PMPCB: variants seen among roughly 807,000 people sequenced by gnomAD.
PMPCB encodes mitochondrial-processing peptidase subunit beta.
In PMPCB, 46 loss-of-function variants were observed where a neutral mutation model predicts 61.5. The ratio of observed to expected loss-of-function variants is 0.75; its 90% CI spans 0.59 to 0.96. PMPCB has a LOEUF of 0.96. PMPCB is among the 40% of genes least tolerant of loss of function. PMPCB has a pLI of 0.00. For missense variants in PMPCB, 590 were observed against 602.4 expected (o/e 0.98, Z 0.22); for synonymous variants, 191 against 201.6 (o/e 0.95, Z 0.44).
chr7:103,326,539 T>C (rs1314269847), intron 12 of PMPCB: 1 of 1,613,902 alleles, frequency 6.2e-7, no homozygotes, highest in Admixed American at 1.7e-5. Flanking sequence ...ATGCCTTAAC[T>C]TACCTGGAAT....
chr7:103,312,960 A>G lies in PMPCB; in HGVS notation c.*689A>G, dbSNP rs1817839954. Reference sequence around the variant, plus strand: ...TAAGTCTGCAACCTTGTATCGTTTCATGCAGTCCTTCTTTGTCCTGCCAGG... The same window carrying G: ...TAAGTCTGCAACCTTGTATCGTTTCGTGCAGTCCTTCTTTGTCCTGCCAGG... On this transcript the variant is annotated 3_prime_UTR_variant, in exon 13 of 13. Transcript: ENST00000249269. 1 of 1,613,090 alleles carries G rather than the reference A, an allele frequency of 6.2e-7. No homozygotes were observed. The highest frequency in any genetic ancestry group is 8.5e-7 in the Non-Finnish European group (1 of 1,179,762).
At chr7:103,315,898 TAAC>T (rs1397145897), downstream of PMPCB, 2 of 1,562,124 alleles carry the variant, frequency 1.3e-6, no homozygotes, top group African/African-American at 2.7e-5. Context: ...ATTTAATACT[TAAC>T]AGATCATCAT....
In PMPCB at chr7:103,303,902, G is replaced by GT; in HGVS notation, c.519dup (p.Glu174Ter). 2 of 1,613,874 alleles carry GT rather than the reference G, an allele frequency of 1.2e-6. No homozygotes were observed. ...ACATTGGGAGAAGCAGAGATTGAAC[G>GT]TGAGCGTGGAGTAATCCTTAGAGAG... On this transcript the variant is annotated frameshift_variant, in exon 5 of 13. Coordinates refer to ENST00000249269, the MANE Select transcript of PMPCB (RefSeq NM_004279.3). LOFTEE classifies it high-confidence loss of function.
rs763260583 is a variant in PMPCB at position 103,312,322 on chromosome 7, A to G, written c.*51A>G. 2.5e-6 allele frequency: 4 copies of G among 1,598,378 alleles called. No homozygotes were observed. The South Asian group carries it at 4.4e-5, about 18-fold the overall frequency. On this transcript the variant is annotated 3_prime_UTR_variant, in exon 13 of 13. Coordinates refer to ENST00000249269, the MANE Select transcript of PMPCB (RefSeq NM_004279.3). ...ACACATGTATTTATAAAACAGAGCT[A>G]GAGAAAAATAAAAATGAACATGTAT...
the PMPCB span, chr7:103,341,918 C>T: frequency 6.2e-7 from 1 of 1,609,794 alleles, no homozygotes; most frequent in Non-Finnish European, 8.5e-7. Flanking sequence ...AGCTTCAAAC[C>T]ATCTTCCCAC....
intron 12 of PMPCB, chr7:103,322,747 G>A: frequency 6.2e-7 from 1 of 1,608,814 alleles, no homozygotes; most frequent in Non-Finnish European, 8.5e-7. Context: ...TTTTCTTTGT[G>A]CTCTTGTTGC....
At chr7:103,326,689 G>GA in intron 12 of PMPCB, 1 of 1,593,722 alleles carries the variant, frequency 6.3e-7, no homozygotes, top group Non-Finnish European at 8.5e-7. Context: ...CATAAGCTGA[G>GA]AAAAAAATTG....
At chr7:103,311,983 G>A (rs1220762195) in intron 11 of PMPCB, 73 bp from the exon 12 acceptor site, 1 of 1,544,898 alleles carries the variant, frequency 6.5e-7, no homozygotes, top group Non-Finnish European at 8.8e-7. Flanking sequence ...TCTTGCTTTA[G>A]TTTTAAAAAG....
downstream of PMPCB, among the ~76,000 whole-genome samples, chr7:103,330,295 T>G: frequency 6.6e-6 from 1 of 152,112 alleles, no homozygotes; most frequent in Admixed American, 6.6e-5. Context: ...TTATTTTATT[T>G]TTTTTTTTGA....
At chr7:103,320,707 G>A (rs140178964) in intron 12 of PMPCB, 2,633 of 151,028 alleles carry the variant, frequency 0.017, 37 homozygotes, top group Non-Finnish European at 0.023. Context: ...TTGCGCCACT[G>A]TACTCCAGCC....
intron 12 of PMPCB, among the ~76,000 whole-genome samples, chr7:103,326,091 G>A (rs1043423981): frequency 2.6e-5 from 4 of 151,924 alleles, no homozygotes; most frequent in East Asian, 1.9e-4. Flanking sequence ...CAAAACTCCC[G>A]TCTCCGCCTC....
intron 4 of PMPCB, among the ~76,000 whole-genome samples, chr7:103,302,903 G>T (rs1273308672): frequency 6.6e-6 from 1 of 152,056 alleles, no homozygotes; most frequent in African/African-American, 2.4e-5. Flanking sequence ...ACTTAAGATT[G>T]TAAGTTTATT....
In PMPCB at chr7:103,307,582, T is replaced by G. The variant is rs762588693; in HGVS notation, c.737-14T>G. On this transcript the variant is annotated splice_polypyrimidine_tract_variant and intron_variant, in intron 6 of 12. Transcript: ENST00000249269. Reference sequence around the variant, plus strand: ...GCTGCTAGATACATGTGAAAATATTTTCTTTCAATTTAGGTGTTTCCCATG... The same window carrying G: ...GCTGCTAGATACATGTGAAAATATTGTCTTTCAATTTAGGTGTTTCCCATG... 6.7e-7 allele frequency: 1 copy of G among 1,482,692 alleles called. No individual in the cohort carries two copies. Among genetic ancestry groups the G allele is most frequent in the Non-Finnish European group, 9.4e-7 (1 of 1,060,240 alleles). The allele number at this position is 1,482,692 out of a possible 1,614,324, so 91.8% of individuals were successfully genotyped here.
At chr7:103,311,952 G>A in intron 11 of PMPCB, 56 bp downstream of exon 11, 1 of 1,522,308 alleles carries the variant, frequency 6.6e-7, no homozygotes, top group South Asian at 1.2e-5. Flanking sequence ...TGTTACAAAA[G>A]CTGAGAATAT....
In PMPCB at chr7:103,312,134, A is replaced by T; in HGVS notation, c.1405+3A>T. ...GAGTCCAGCTATTGCTGCTGTTGGT[A>T]AGCCTGGCTTCTTTTCTTCTATGCA... is the stretch of plus-strand genomic sequence containing the variant. On this transcript the variant is annotated splice_donor_region_variant and intron_variant, in intron 12 of 12. Transcript: ENST00000249269. 1 of 1,614,066 alleles carries T rather than the reference A, an allele frequency of 6.2e-7. No homozygotes were observed. Among genetic ancestry groups the T allele is most frequent in the Non-Finnish European group, 8.5e-7 (1 of 1,179,966 alleles).
Position 103,303,867 on chromosome 7 carries a change from A to G in PMPCB, c.483A>G (p.Ile161Met). The change falls in exon 5 of 13, where the codon ATA (isoleucine) becomes ATG (methionine). Residue 161 changes from isoleucine to methionine, a missense_variant. Physicochemically the swap from Ile to Met is conservative, Grantham distance 10. Coordinates refer to ENST00000249269, the MANE Select transcript of PMPCB (RefSeq NM_004279.3). ...CTGTAGAAATTCTTGCTGATATAAT[A>G]CAAAACAGCACATTGGGAGAAGCAG... The part of the protein sequence containing the change: ...PRAVEILADI[I>M]QNSTLGEAEI... 6.2e-7 allele frequency: 1 copy of G among 1,612,624 alleles called. No homozygotes were observed. Among genetic ancestry groups the G allele is most frequent in the Non-Finnish European group, 8.5e-7 (1 of 1,178,978 alleles).
At position 103,309,076 on chromosome 7, in the gene PMPCB, G is replaced by C. The variant is rs760931825; in HGVS notation, c.974G>C (p.Arg325Pro). The C allele has an allele frequency of 1.2e-6, 2 of 1,603,492 alleles. No individual in the cohort carries two copies. The highest frequency in any genetic ancestry group is 1.3e-5 in the African/African-American group (1 of 74,316). ...VANTLIGNWD[R>P]SFGGGMNLSS... Reference sequence around the variant, plus strand: ...AACACGCTGATTGGCAACTGGGATCGCTCTTTTGGGGGAGGAATGGTAAGT... The same window carrying C: ...AACACGCTGATTGGCAACTGGGATCCCTCTTTTGGGGGAGGAATGGTAAGT... The change falls in exon 8 of 13, where the codon CGC (arginine) becomes CCC (proline). Residue 325 changes from arginine (R) to proline (P), a missense_variant. Arg to Pro is a moderately radical substitution (Grantham distance 103). Transcript: ENST00000249269.
intron 12 of PMPCB, chr7:103,322,685 T>G (rs1453888908): frequency 1.2e-6 from 2 of 1,612,680 alleles, no homozygotes; most frequent in East Asian, 2.2e-5. Flanking sequence ...TTAGGGGACT[T>G]AAATCAATTC....
Position 103,312,049 on chromosome 7 carries a change from A to G in PMPCB, c.1330-7A>G. 6.2e-7 allele frequency: 1 copy of G among 1,612,622 alleles called. No homozygotes were observed. Among genetic ancestry groups the G allele is most frequent in the Non-Finnish European group, 8.5e-7 (1 of 1,179,186 alleles). ...ACAGCTGAATGACAGTGTCTTCCAT[A>G]TTTCAGGCTGTGAATGCTGAGACAA... On this transcript the variant is annotated splice_region_variant and splice_polypyrimidine_tract_variant and intron_variant, in intron 11 of 12. Coordinates refer to ENST00000249269, the MANE Select transcript of PMPCB (RefSeq NM_004279.3).
Sources: gnomAD v4.1 joint callset for allele counts (sites outside exome capture counted in the v4.1 genomes callset) on GRCh38, gnomAD v4.1.1 for gene constraint, MANE v1.5 for transcripts, NCBI Gene and HGNC (gene_info 2026-07-23, HGNC 2026-07-21) for gene names.